The following TATDN3 variants were observed in gnomAD, a reference collection of about 807,000 sequenced individuals.
TATDN3 encodes the protein TatD DNase domain containing 3, also known as deoxyribonuclease TATDN3.
A neutral mutation model predicts 40.1 loss-of-function variants in TATDN3; 29 were observed. That is an observed-to-expected ratio of 0.72 (90% CI 0.54 to 0.99). The LOEUF is 0.99. TATDN3 is among the 50% of genes least tolerant of loss of function. The pLI, the probability that TATDN3 is intolerant of heterozygous loss-of-function variation, is 0.00. For synonymous variants in TATDN3, 105 were observed against 117.0 expected, an observed-to-expected ratio of 0.90 and a Z score of 0.66; for missense variants, 309 against 321.9, an observed-to-expected ratio of 0.96 and a Z score of 0.31.
intron 4 of TATDN3, among the ~76,000 whole-genome samples, chr1:212,801,132 G>C (rs1192451910): frequency 6.6e-6 from 1 of 151,744 alleles, no homozygotes; most frequent in East Asian, 1.9e-4. Flanking sequence ...CAAGGCTGCA[G>C]TGAGCTATGA....
At chr1:212,806,747 C>CCATATAT (rs1558083475) in intron 7 of TATDN3, among the ~76,000 whole-genome samples, 460 of 43,948 alleles carry the variant, frequency 0.01, 58 homozygotes, top group Non-Finnish European at 0.016. Flanking sequence ...TCTCTCTCTC[C>CCATATAT]ATATATATAT....
At chr1:212,793,272 G>A (rs2102423386) in intron 1 of TATDN3, among the ~76,000 whole-genome samples, 1 of 152,128 alleles carries the variant, frequency 6.6e-6, no homozygotes, top group South Asian at 2.1e-4. Flanking sequence ...AAATGCAATA[G>A]CATGATCTCA....
At chr1:212,799,373 AG>A (rs1662027405) in intron 4 of TATDN3, among the ~76,000 whole-genome samples, 1 of 152,154 alleles carries the variant, frequency 6.6e-6, no homozygotes, top group Non-Finnish European at 1.5e-5. Context: ...AAAAATGAAA[AG>A]GGGAAAAAGT....
chr1:212,802,056 A>G (rs1662206793), intron 4 of TATDN3, among the ~76,000 whole-genome samples: 1 of 152,188 alleles, frequency 6.6e-6, no homozygotes, highest in Non-Finnish European at 1.5e-5. Flanking sequence ...AATTTTCCAT[A>G]TATTTATTTT....
At chr1:212,798,578 T>A (rs1186893360) in intron 4 of TATDN3, among the ~76,000 whole-genome samples, 2 of 151,670 alleles carry the variant, frequency 1.3e-5, no homozygotes, top group Non-Finnish European at 2.9e-5. Context: ...ATTCATTCAT[T>A]TCAGGTAAAA....
At chr1:212,801,375 TTAAA>T (rs1571957999) in intron 4 of TATDN3, among the ~76,000 whole-genome samples, 1 of 152,122 alleles carries the variant, frequency 6.6e-6, no homozygotes, top group East Asian at 1.9e-4. Context: ...TTTGTACATA[TTAAA>T]TAAGTAATAT....
intron 2 of TATDN3, among the ~76,000 whole-genome samples, 177 bp downstream of exon 2, chr1:212,795,304 T>C (rs1661674439): frequency 6.6e-6 from 1 of 152,024 alleles, no homozygotes; most frequent in Non-Finnish European, 1.5e-5. Context: ...AGAGTCTCGC[T>C]CTGTCGCCCA....
At chr1:212,813,704 T>C (rs1663029702) in intron 9 of TATDN3, among the ~76,000 whole-genome samples, 1 of 144,956 alleles carries the variant, frequency 6.9e-6, no homozygotes, top group Admixed American at 6.8e-5. Context: ...CTACTTGTTT[T>C]TGTTTTTGTT....
At chr1:212,801,891 TCA>T (rs1488584677) in intron 4 of TATDN3, among the ~76,000 whole-genome samples, 1 of 152,206 alleles carries the variant, frequency 6.6e-6, no homozygotes, top group African/African-American at 2.4e-5. Flanking sequence ...TCTCTCTCTC[TCA>T]TAGTTGTAAA....
Position 212,812,241 on chromosome 1 carries a change from C to A in TATDN3, c.601-7C>A. On this transcript the variant is annotated splice_region_variant and splice_polypyrimidine_tract_variant and intron_variant, in intron 8 of 9. Transcript: ENST00000366974. The stretch of plus-strand genomic sequence containing the variant: ...TTTAAACTTAGCTGCTTTCTCTTTT[C>A]TCTAAGAAGCAGAAACTTGTGAAAC... The A allele has an allele frequency of 6.4e-7, 1 of 1,554,152 alleles. No individual in the cohort carries two copies. Among genetic ancestry groups the A allele is most frequent in the Non-Finnish European group, 8.7e-7 (1 of 1,153,466 alleles).
chr1:212,815,205 T>G lies in TATDN3; in HGVS notation c.*49T>G. 6.4e-7 allele frequency: 1 copy of G among 1,558,958 alleles called. No homozygotes were observed. The stretch of plus-strand genomic sequence containing the variant: ...TCGAATCAACTGCAGGGGGCAGCAT[T>G]TGAAAAATAGAAATGTTCTGATGAA... On this transcript the variant is annotated 3_prime_UTR_variant, in exon 10 of 10. Transcript: ENST00000366974.
In TATDN3 at chr1:212,807,563, T is replaced by A. The variant is rs1662616710; in HGVS notation, c.488-173T>A. 1.3e-5 allele frequency among the ~76,000 whole-genome samples: 2 copies of A among 152,210 alleles called. 1 individual carries two copies. The highest frequency in any genetic ancestry group is 1.3e-4 in the Admixed American group (2 of 15,260). On this transcript the variant is annotated intron_variant, in intron 7 of 9. Coordinates refer to ENST00000366974, the MANE Select transcript of TATDN3 (RefSeq NM_001042552.3). The stretch of plus-strand genomic sequence containing the variant: ...CCACTGTGCCTGGCCTAAAATTTAC[T>A]ATATTTTTATTCCACTCTTTGAACA...
chr1:212,798,536 C>CA (rs11296428), intron 4 of TATDN3, among the ~76,000 whole-genome samples: 1,841 of 91,208 alleles, frequency 0.02, 28 homozygotes, highest in African/African-American at 0.056. Flanking sequence ...CTCAAAAACT[C>CA]AAAAAAAAAA....
intron 7 of TATDN3, among the ~76,000 whole-genome samples, chr1:212,805,720 GC>G (rs1259858130): frequency 6.6e-6 from 1 of 152,072 alleles, no homozygotes; most frequent in Non-Finnish European, 1.5e-5. Flanking sequence ...ACAGATTTTG[GC>G]CATCATACAT....
chr1:212,807,603 G>A (rs544049164), intron 7 of TATDN3, 133 bp from the exon 8 acceptor site: 60 of 576,922 alleles, frequency 1.0e-4, no homozygotes, highest in Middle Eastern at 8.5e-4. Flanking sequence ...ACATTTATCC[G>A]CCCTTTAGAA....
chr1:212,792,631 T>TTA (rs1661411565), intron 1 of TATDN3, among the ~76,000 whole-genome samples: 1 of 49,040 alleles, frequency 2.0e-5, no homozygotes, highest in Non-Finnish European at 3.5e-5. Context: ...AGACCCTGTC[T>TTA]CAAAAAAAAA....
In TATDN3 at chr1:212,813,841, G is replaced by C. The variant is rs1319520073; in HGVS notation, c.682-1172G>C. ...TTCTCCTGCCTCAGCCTCCCTAGTA[G>C]CTGGGATTACAGGCTTGTGCCACCA... On this transcript the variant is annotated intron_variant, in intron 9 of 9. Transcript: ENST00000366974. Among the ~76,000 whole-genome samples the C allele has an allele frequency of 6.6e-5, 10 of 152,150 alleles. No individual in the cohort carries two copies. In the East Asian group the frequency reaches 1.7e-3, roughly 26 times the overall value.
chr1:212,801,619 A>G (rs1662182149), intron 4 of TATDN3, among the ~76,000 whole-genome samples: 1 of 152,106 alleles, frequency 6.6e-6, no homozygotes. Context: ...GATTTCTCCT[A>G]CTTCTCCAGT....
chr1:212,798,682 A>G (rs1412258809), intron 4 of TATDN3, among the ~76,000 whole-genome samples: 1 of 152,196 alleles, frequency 6.6e-6, no homozygotes, highest in African/African-American at 2.4e-5. Flanking sequence ...ATAGCAAGGC[A>G]GCACTTCTTT....
Sources: gnomAD v4.1 joint callset for allele counts (sites outside exome capture counted in the v4.1 genomes callset) on GRCh38, gnomAD v4.1.1 for gene constraint, MANE v1.5 for transcripts, NCBI Gene and HGNC (gene_info 2026-07-23, HGNC 2026-07-21) for gene names.